Variants in POSTN observed in about 807,000 individuals in gnomAD.
POSTN encodes the protein osteoblast specific factor 2 (fasciclin I-like).
A neutral mutation model predicts 104.5 loss-of-function variants in POSTN; 71 were observed. That is an observed-to-expected ratio of 0.68 (90% CI 0.56 to 0.83). The LOEUF (loss-of-function observed/expected upper bound fraction) is 0.83. Among genes scored for constraint, POSTN ranks in the 40% least tolerant of loss-of-function variants. The probability of loss-of-function intolerance (pLI) is 0.00; values close to 1 mark genes in which losing one functional copy is unlikely to be tolerated. For missense variants in POSTN, 949 were observed against 1,006.8 expected (o/e 0.94, Z 0.78); for synonymous variants, 355 against 340.7 (o/e 1.04, Z -0.46).
intron 4 of POSTN, among the ~76,000 whole-genome samples, chr13:37,589,928 T>C (rs1950877769): frequency 1.3e-5 from 2 of 152,196 alleles, no homozygotes; most frequent in Admixed American, 6.5e-5. Context: ...GTATACAAAT[T>C]TGACAACCTG....
chr13:37,573,531 T>G (rs1262442921), intron 17 of POSTN, among the ~76,000 whole-genome samples: 1 of 151,508 alleles, frequency 6.6e-6, no homozygotes, highest in Non-Finnish European at 1.5e-5. Context: ...GTGTATAAAT[T>G]TAAATTAATG....
chr13:37,598,514 C>T, intron 1 of POSTN, 94 bp downstream of exon 1: 1 of 1,126,932 alleles, frequency 8.9e-7, no homozygotes, highest in Non-Finnish European at 1.2e-6. Context: ...GAAAAAAAAC[C>T]CTGAGGCATA....
At chr13:37,568,211 A>G (rs1213062044) in intron 21 of POSTN, among the ~76,000 whole-genome samples, 1 of 152,028 alleles carries the variant, frequency 6.6e-6, no homozygotes, top group African/African-American at 2.4e-5. Context: ...TATTTTTCAG[A>G]CATATATATT....
At position 37,582,472 on chromosome 13, in the gene POSTN, A is replaced by T. The variant is rs533791598; in HGVS notation, c.1286T>A (p.Leu429Gln). ...TTTTACTTTCAATATGTGATTCTGCAGAATTAATTTAAGGAGGCGCTGATC... is the reference window on the plus strand; with the variant it reads ...TTTTACTTTCAATATGTGATTCTGCTGAATTAATTTAAGGAGGCGCTGATC... The part of the protein sequence containing the change: ...SMDQRLLKLI[L>Q]QNHILKVKVG... The change falls in exon 10 of 23, where the codon CTG (leucine) becomes CAG (glutamine). Residue 429 changes from leucine to glutamine, a missense_variant. Transcript: ENST00000379747. 6.2e-7 allele frequency: 1 copy of T among 1,613,390 alleles called. No individual in the cohort carries two copies. The highest frequency in any genetic ancestry group is 1.3e-5 in the African/African-American group (1 of 75,032).
intron 17 of POSTN, among the ~76,000 whole-genome samples, chr13:37,573,020 T>C (rs1305232638): frequency 1.3e-5 from 2 of 151,584 alleles, no homozygotes; most frequent in Non-Finnish European, 3.0e-5. Context: ...CATGTAGAGA[T>C]GACCCGCCAG....
At chr13:37,563,468 T>C in intron 22 of POSTN, 98 bp from the exon 23 acceptor site, 1 of 586,134 alleles carries the variant, frequency 1.7e-6, no homozygotes, top group Non-Finnish European at 2.7e-6. Flanking sequence ...GAGGCCATTA[T>C]TTTTTGTAAT....
chr13:37,592,967 A>G (rs191304260), intron 2 of POSTN, among the ~76,000 whole-genome samples: 3 of 152,078 alleles, frequency 2.0e-5, no homozygotes, highest in African/African-American at 4.8e-5. Flanking sequence ...AAATAATGCC[A>G]TATTTGGTTT....
At chr13:37,579,159 A>AT (rs1285842930) in intron 13 of POSTN, 38 bp from the exon 14 acceptor site, 1 of 1,603,766 alleles carries the variant, frequency 6.2e-7, no homozygotes, top group African/African-American at 1.3e-5. Context: ...AGGAAATTTC[A>AT]TTAAGGATGA....
rs759939896 is a variant in POSTN at position 37,590,434 on chromosome 13, C to T, written c.379G>A (p.Glu127Lys). ...SDASKLREEIEGKGSFTYFAP... is the reference protein window; with the variant it reads ...SDASKLREEIKGKGSFTYFAP... ...AAGTAAGTGAAGGATCCCTTTCCCT[C>T]GATCTCCTCCCTCAGTTTTGAGGCG... The change falls in exon 4 of 23, where the codon GAG becomes AAG. Residue 127 changes from glutamate to lysine, a missense_variant. Physicochemically the swap from Glu to Lys is moderately conservative, Grantham distance 56 (BLOSUM62 1). Coordinates refer to ENST00000379747, the MANE Select transcript of POSTN (RefSeq NM_006475.3). The T allele has an allele frequency of 4.3e-6, 7 of 1,612,354 alleles. No individual in the cohort carries two copies. In the Admixed American group the frequency reaches 6.7e-5, roughly 15 times the overall value.
rs1391443915 is a variant in POSTN at position 37,570,739 on chromosome 13, A to G, written c.2180-70T>C. 3.3e-6 allele frequency: 3 copies of G among 919,332 alleles called. No individual in the cohort carries two copies. The South Asian group carries it at 4.3e-5, about 13-fold the overall frequency. 56.9% of individuals were successfully genotyped at this position (919,332 alleles called of 1,614,324 possible). On this transcript the variant is annotated intron_variant, in intron 18 of 22. Coordinates refer to ENST00000379747, the MANE Select transcript of POSTN (RefSeq NM_006475.3). ...GTGACTATACATCCATAAGCTAGAC[A>G]TTGTAATGATTAACTATATTTCTAC...
intron 4 of POSTN, among the ~76,000 whole-genome samples, chr13:37,588,922 A>T (rs1206333586): frequency 6.6e-6 from 1 of 152,120 alleles, no homozygotes; most frequent in East Asian, 1.9e-4. Context: ...GTACAGCAGA[A>T]ATTAGAGTAT....
chr13:37,595,149 ATTC>A lies in POSTN; in HGVS notation c.218+2032_218+2034del, dbSNP rs553198606. The stretch of plus-strand genomic sequence containing the variant: ...TAGATGGTTAAAGTAAATTTATGGC[ATTC>A]TTCTCTATCTTCTAGGAAGGATGTA... On this transcript the variant is annotated intron_variant, in intron 2 of 22. Coordinates refer to ENST00000379747, the MANE Select transcript of POSTN (RefSeq NM_006475.3). Among the ~76,000 whole-genome samples the A allele has an allele frequency of 2.8e-3, 431 of 152,088 alleles. 1 individual carries two copies. The highest frequency in any genetic ancestry group is 9.9e-3 in the African/African-American group (412 of 41,502).
intron 16 of POSTN, among the ~76,000 whole-genome samples, chr13:37,574,887 C>T (rs1037470066): frequency 1.3e-5 from 2 of 151,846 alleles, no homozygotes; most frequent in Admixed American, 6.6e-5. Flanking sequence ...GAAATATATA[C>T]TCACAAAGTG....
At chr13:37,570,484 A>T in intron 19 of POSTN, 96 bp downstream of exon 19, 1 of 819,270 alleles carries the variant, frequency 1.2e-6, no homozygotes, top group Non-Finnish European at 2.0e-6. Flanking sequence ...CACTATGAAA[A>T]TGACTTGTTT....
At chr13:37,570,109 T>G (rs969678466) in intron 19 of POSTN, among the ~76,000 whole-genome samples, 1 of 151,952 alleles carries the variant, frequency 6.6e-6, no homozygotes, top group Middle Eastern at 3.2e-3. Context: ...TCGGCGAATT[T>G]TAGGCTAATT....
In POSTN at chr13:37,579,372, A is replaced by C. The variant is rs1248784354; in HGVS notation, c.1661-13T>G. Reference sequence around the variant, plus strand: ...GCATTTTTGTCCCCTAGGGGAAAATATATGTTTATTTTTATTGAATAATAT... The same window carrying C: ...GCATTTTTGTCCCCTAGGGGAAAATCTATGTTTATTTTTATTGAATAATAT... On this transcript the variant is annotated splice_polypyrimidine_tract_variant and intron_variant, in intron 12 of 22. Transcript: ENST00000379747. The C allele has an allele frequency of 6.5e-7, 1 of 1,540,936 alleles. No homozygotes were observed. Among genetic ancestry groups the C allele is most frequent in the South Asian group, 1.2e-5 (1 of 86,940 alleles).
intron 1 of POSTN, among the ~76,000 whole-genome samples, chr13:37,597,992 A>G (rs1951132088): frequency 6.6e-6 from 1 of 152,198 alleles, no homozygotes; most frequent in African/African-American, 2.4e-5. Flanking sequence ...CCGCTTAAAA[A>G]ATTATAAATG....
At chr13:37,579,405 T>G in intron 12 of POSTN, 46 bp from the exon 13 acceptor site, 1 of 1,441,938 alleles carries the variant, frequency 6.9e-7, no homozygotes. Context: ...TATGACTTTT[T>G]GATAAGGACT....
intron 21 of POSTN, among the ~76,000 whole-genome samples, chr13:37,566,628 C>T (rs1482763623): frequency 4.6e-5 from 7 of 152,178 alleles, no homozygotes; most frequent in Non-Finnish European, 7.3e-5. Context: ...ACTCGATCTA[C>T]TATTCTCTAT....
Sources: gnomAD v4.1 joint callset for allele counts (sites outside exome capture counted in the v4.1 genomes callset) on GRCh38, gnomAD v4.1.1 for gene constraint, MANE v1.5 for transcripts, NCBI Gene and HGNC (gene_info 2026-07-23, HGNC 2026-07-21) for gene names.